Variants in CLIC4 observed in about 807,000 individuals in gnomAD.
The protein encoded by CLIC4 is chloride intracellular channel protein 4.
Under a neutral mutation model 24.6 loss-of-function variants are expected in CLIC4, and 13 were observed. That is an observed-to-expected ratio of 0.53 (90% CI 0.34 to 0.84). The LOEUF (loss-of-function observed/expected upper bound fraction) is 0.84. Among genes scored for constraint, CLIC4 ranks in the 40% least tolerant of loss-of-function variants. The probability of loss-of-function intolerance (pLI) is 0.01; values close to 1 mark genes in which losing one functional copy is unlikely to be tolerated. For missense variants in CLIC4, 227 were observed against 301.7 expected (o/e 0.75, Z 1.83); for synonymous variants, 104 against 111.3 (o/e 0.93, Z 0.41).
In CLIC4 at chr1:24,842,489, C is replaced by G. The variant is rs1320796653; in HGVS notation, c.*1552C>G. 1 of 152,068 alleles carries G rather than the reference C, an allele frequency of 6.6e-6. No individual in the cohort carries two copies. The highest frequency in any genetic ancestry group is 1.9e-4 in the East Asian group (1 of 5,196). 9.4% of individuals were successfully genotyped at this position (152,068 alleles called of 1,614,324 possible). A position where few individuals can be genotyped will look rare whatever the true frequency, so the allele number is the denominator to read the frequency against. On this transcript the variant is annotated 3_prime_UTR_variant, in exon 6 of 6. Transcript: ENST00000374379. ...TTATTGCTTTAAAATGGCAGTGTTT[C>G]TCCCACTTTGATATGCTAACATTTA...
chr1:24,812,871 A>C (rs1335346881), intron 2 of CLIC4, among the ~76,000 whole-genome samples: 1 of 151,914 alleles, frequency 6.6e-6, no homozygotes, highest in African/African-American at 2.4e-5. Context: ...GGTGCATGCC[A>C]CCATGCCCAG....
At chr1:24,753,867 G>C (rs1001755387) in intron 1 of CLIC4, among the ~76,000 whole-genome samples, 2 of 152,070 alleles carry the variant, frequency 1.3e-5, no homozygotes, top group African/African-American at 4.8e-5. Context: ...TCAAGGACAG[G>C]CTTCAAACTT....
At chr1:24,826,756 A>C (rs527511002) in intron 3 of CLIC4, among the ~76,000 whole-genome samples, 1 of 152,168 alleles carries the variant, frequency 6.6e-6, no homozygotes, top group South Asian at 2.1e-4. Context: ...CAGCATTCTA[A>C]TTTATCAGAT....
At chr1:24,785,817 T>C (rs1571242277) in intron 1 of CLIC4, among the ~76,000 whole-genome samples, 1 of 142,508 alleles carries the variant, frequency 7.0e-6, no homozygotes, top group South Asian at 2.2e-4. Flanking sequence ...ATCGTGCCAT[T>C]TCACTCCAGC....
In CLIC4 at chr1:24,814,149, T is replaced by C. The variant is rs201118827; in HGVS notation, c.238T>C (p.Phe80Leu). ...APGTHPPFIT[F>L]NSEVKTDVNK... ...CGGGACCCACCCACCATTTATAACTTTCAACAGTGAAGTCAAAACGGATGT... is the reference window on the plus strand; with the variant it reads ...CGGGACCCACCCACCATTTATAACTCTCAACAGTGAAGTCAAAACGGATGT... The change falls in exon 3 of 6, where the codon TTC becomes CTC. Residue 80 changes from phenylalanine to leucine, a missense_variant. Phe to Leu is a conservative substitution (Grantham distance 22). Coordinates refer to ENST00000374379, the MANE Select transcript of CLIC4 (RefSeq NM_013943.3). The C allele has an allele frequency of 1.2e-6, 2 of 1,614,144 alleles. No homozygotes were observed. The highest frequency in any genetic ancestry group is 1.7e-5 in the Admixed American group (1 of 60,018).
At chr1:24,751,042 T>C (rs1265058392) in intron 1 of CLIC4, among the ~76,000 whole-genome samples, 2 of 152,122 alleles carry the variant, frequency 1.3e-5, no homozygotes, top group African/African-American at 4.8e-5. Flanking sequence ...TTGTTGTCAA[T>C]GTATGTCTCT....
intron 2 of CLIC4, among the ~76,000 whole-genome samples, chr1:24,808,401 T>C (rs1269731932): frequency 2.0e-5 from 3 of 152,206 alleles, no homozygotes; most frequent in Non-Finnish European, 4.4e-5. Flanking sequence ...CTCTAGGTTA[T>C]AATACCTAAT....
intron 1 of CLIC4, among the ~76,000 whole-genome samples, chr1:24,751,395 G>C (rs948206683): frequency 3.9e-5 from 6 of 151,942 alleles, no homozygotes; most frequent in Non-Finnish European, 7.4e-5. Flanking sequence ...ATTTTTAGTA[G>C]AGATGAGGAG....
intron 3 of CLIC4, 32 bp downstream of exon 3, chr1:24,814,251 T>C: frequency 6.3e-7 from 1 of 1,597,350 alleles, no homozygotes; most frequent in Non-Finnish European, 8.5e-7. Context: ...TATGAAAATA[T>C]TGTCACTTCT....
intron 2 of CLIC4, among the ~76,000 whole-genome samples, chr1:24,804,804 T>C (rs1639530589): frequency 6.6e-6 from 1 of 152,062 alleles, no homozygotes; most frequent in Non-Finnish European, 1.5e-5. Flanking sequence ...GTAAAAATTA[T>C]AGACTCTATA....
At chr1:24,772,727 A>G (rs1404141221) in intron 1 of CLIC4, among the ~76,000 whole-genome samples, 1 of 152,024 alleles carries the variant, frequency 6.6e-6, no homozygotes, top group Non-Finnish European at 1.5e-5. Flanking sequence ...CTCATGATCC[A>G]CCCACCTTGG....
In CLIC4 at chr1:24,843,035, A is replaced by G. The variant is rs1333166171; in HGVS notation, c.*2098A>G. 1.3e-5 allele frequency: 2 copies of G among 152,176 alleles called. No homozygotes were observed. Among genetic ancestry groups the G allele is most frequent in the East Asian group, 3.8e-4 (2 of 5,206 alleles). 9.4% of individuals were successfully genotyped at this position (152,176 alleles called of 1,614,324 possible). On this transcript the variant is annotated 3_prime_UTR_variant, in exon 6 of 6. Transcript: ENST00000374379. The stretch of plus-strand genomic sequence containing the variant: ...CTACATTCTTCAGAATACAGTGATG[A>G]AAATTCATTTTGAAACTCAAATATT...
At chr1:24,827,541 G>A (rs1255012112) in intron 4 of CLIC4, among the ~76,000 whole-genome samples, 1 of 66,556 alleles carries the variant, frequency 1.5e-5, no homozygotes, top group South Asian at 7.1e-4. Flanking sequence ...GTCAGTCTGA[G>A]GTTTTTTTTT....
rs1420808579 is a variant in CLIC4, at chr1:24,814,767, C to T, written c.308+548C>T. Among the ~76,000 whole-genome samples, 5 of 152,200 alleles carry T rather than the reference C, an allele frequency of 3.3e-5. No homozygotes were observed. In the South Asian group the frequency reaches 1.0e-3, roughly 31 times the overall value. ...CCTGGATGTACTGTAATGATAGTTA[C>T]CTAAATTGCAGATATGCAGCTTTGC... On this transcript the variant is annotated intron_variant, in intron 3 of 5. Transcript: ENST00000374379.
chr1:24,811,613 C>T (rs575209262), intron 2 of CLIC4, among the ~76,000 whole-genome samples: 1 of 152,242 alleles, frequency 6.6e-6, no homozygotes, highest in South Asian at 2.1e-4. Context: ...GCTGGGACTA[C>T]AGGCACATGC....
chr1:24,753,467 T>C (rs1638804785), intron 1 of CLIC4, among the ~76,000 whole-genome samples: 1 of 152,128 alleles, frequency 6.6e-6, no homozygotes, highest in Non-Finnish European at 1.5e-5. Flanking sequence ...TGGGGAAAGA[T>C]GGAAGGAGGC....
At chr1:24,770,723 ATTC>A (rs148709497) in intron 1 of CLIC4, among the ~76,000 whole-genome samples, 91,887 of 149,844 alleles carry the variant, frequency 0.61, 29,148 homozygotes, top group Non-Finnish European at 0.7. Context: ...CCTCACACCA[ATTC>A]TTCTTCTTTT....
intron 1 of CLIC4, among the ~76,000 whole-genome samples, chr1:24,769,246 A>G (rs1200441538): frequency 6.6e-6 from 1 of 152,248 alleles, no homozygotes; most frequent in East Asian, 1.9e-4. Flanking sequence ...CACTATACAG[A>G]ATAAACAGAT....
At chr1:24,835,946 A>G (rs1639881644) in intron 4 of CLIC4, among the ~76,000 whole-genome samples, 1 of 152,226 alleles carries the variant, frequency 6.6e-6, no homozygotes, top group Non-Finnish European at 1.5e-5. Context: ...ATTAAAAACA[A>G]TGTTGCTTAT....
Sources: gnomAD v4.1 joint callset for allele counts (sites outside exome capture counted in the v4.1 genomes callset) on GRCh38, gnomAD v4.1.1 for gene constraint, MANE v1.5 for transcripts, NCBI Gene and HGNC (gene_info 2026-07-23, HGNC 2026-07-21) for gene names.